Variants in TANC1 observed in about 807,000 individuals in gnomAD.
TANC1 encodes the protein tetratricopeptide repeat, ankyrin repeat and coiled-coil containing 1.
A neutral mutation model predicts 149.7 loss-of-function variants in TANC1; 77 were observed. That is an observed-to-expected ratio of 0.51 (90% CI 0.43 to 0.62). The LOEUF (loss-of-function observed/expected upper bound fraction) is 0.62. Ranked by LOEUF, TANC1 falls within the 20% of genes least tolerant of loss-of-function variation. The pLI, the probability that TANC1 is intolerant of heterozygous loss-of-function variation, is 0.00. For synonymous variants in TANC1, 854 were observed against 925.0 expected (o/e 0.92, Z 1.39); for missense variants, 1,985 against 2,321.8 (o/e 0.85, Z 2.98).
chr2:159,005,733 A>G (rs2149348734), intron 2 of TANC1, among the ~76,000 whole-genome samples: 1 of 152,126 alleles, frequency 6.6e-6, no homozygotes, highest in African/African-American at 2.4e-5. Context: ...AGCACTTAGA[A>G]CCATGTAAGT....
chr2:159,171,196 T>A (rs1450127150), intron 10 of TANC1, among the ~76,000 whole-genome samples: 1 of 152,218 alleles, frequency 6.6e-6, no homozygotes, highest in Non-Finnish European at 1.5e-5. Flanking sequence ...ACAGCCTTCG[T>A]CTTCTGTATT....
intron 3 of TANC1, among the ~76,000 whole-genome samples, chr2:159,085,529 C>A (rs1057416635): frequency 6.6e-6 from 1 of 152,058 alleles, no homozygotes; most frequent in African/African-American, 2.4e-5. Flanking sequence ...TAAAGGAATA[C>A]CTGAGGCTGG....
intron 2 of TANC1, among the ~76,000 whole-genome samples, chr2:159,012,266 C>T (rs543393182): frequency 3.3e-5 from 5 of 152,206 alleles, no homozygotes; most frequent in African/African-American, 4.8e-5. Flanking sequence ...GTTGCTGAGG[C>T]CAGTGCTGCT....
At chr2:159,187,552 G>A (rs1414561758) in intron 16 of TANC1, among the ~76,000 whole-genome samples, 1 of 152,190 alleles carries the variant, frequency 6.6e-6, no homozygotes, top group East Asian at 1.9e-4. Context: ...TTCATGTCAT[G>A]ATGTTCCACT....
chr2:158,988,757 G>A (rs2035299875), intron 1 of TANC1, among the ~76,000 whole-genome samples: 1 of 152,188 alleles, frequency 6.6e-6, no homozygotes, highest in Non-Finnish European at 1.5e-5. Context: ...AGAGAGAGCA[G>A]GCATTCTTTC....
intron 4 of TANC1, among the ~76,000 whole-genome samples, chr2:159,132,691 G>A (rs1341185973): frequency 1.4e-5 from 2 of 144,768 alleles, no homozygotes; most frequent in African/African-American, 2.6e-5. Context: ...TAGAGATGGG[G>A]TTTCACTATG....
intron 2 of TANC1, among the ~76,000 whole-genome samples, chr2:159,063,223 T>G (rs2042393829): frequency 6.6e-6 from 1 of 152,138 alleles, no homozygotes; most frequent in Non-Finnish European, 1.5e-5. Flanking sequence ...AGCACCTAGC[T>G]CCAACAGCCC....
chr2:159,228,916 T>G lies in TANC1; in HGVS notation c.4151+20T>G. ...TAGCAGGTACCGTCTGTGGTTATCT[T>G]TGTGTCTAGAGCTTTTTTTCTTGTG... On this transcript the variant is annotated intron_variant, in intron 26 of 26. Coordinates refer to ENST00000263635, the MANE Select transcript of TANC1 (RefSeq NM_033394.3). 6.3e-7 allele frequency: 1 copy of G among 1,596,048 alleles called. No individual in the cohort carries two copies. Among genetic ancestry groups the G allele is most frequent in the African/African-American group, 1.3e-5 (1 of 74,642 alleles).
At chr2:158,983,477 A>AAAAAAAAAAAAAAAAAAAAAAAAAC (rs1559098764) in intron 1 of TANC1, among the ~76,000 whole-genome samples, 1 of 151,090 alleles carries the variant, frequency 6.6e-6, no homozygotes, top group African/African-American at 2.4e-5. Flanking sequence ...CCAAAAAAAA[A>AAAAAAAAAAAAAAAAAAAAAAAAAC]AAAAAAAAAA....
chr2:159,189,586 C>T (rs1278904306), intron 16 of TANC1, among the ~76,000 whole-genome samples: 2 of 152,068 alleles, frequency 1.3e-5, no homozygotes, highest in East Asian at 1.9e-4. Context: ...GATTTTTAAT[C>T]TTTACAACCA....
At chr2:158,977,902 C>T (rs545764670) in intron 1 of TANC1, among the ~76,000 whole-genome samples, 6 of 152,252 alleles carry the variant, frequency 3.9e-5, no homozygotes, top group South Asian at 2.1e-4. Context: ...CCTCTTCCCT[C>T]ACCCTACCAC....
chr2:159,208,373 C>T (rs749305207), intron 19 of TANC1, among the ~76,000 whole-genome samples: 3 of 152,192 alleles, frequency 2.0e-5, no homozygotes, highest in Non-Finnish European at 2.9e-5. Flanking sequence ...TGATCACACA[C>T]ATGAAGTCCT....
At chr2:159,228,764 C>T in intron 25 of TANC1, 32 bp from the exon 26 acceptor site, 3 of 1,534,266 alleles carry the variant, frequency 2.0e-6, no homozygotes, top group Non-Finnish European at 2.7e-6. Context: ...GTCCAGGCTG[C>T]TTCTGACTCC....
intron 3 of TANC1, among the ~76,000 whole-genome samples, chr2:159,096,033 A>G (rs1373619409): frequency 6.6e-6 from 1 of 152,106 alleles, no homozygotes; most frequent in Non-Finnish European, 1.5e-5. Context: ...TTTTGGAGCC[A>G]GGAAGGCGTG....
chr2:159,177,399 T>C (rs963662182), intron 13 of TANC1, among the ~76,000 whole-genome samples: 6 of 152,210 alleles, frequency 3.9e-5, no homozygotes, highest in Admixed American at 3.3e-4. Context: ...GTGAAGACTT[T>C]TAGACATTAG....
intron 4 of TANC1, among the ~76,000 whole-genome samples, chr2:159,101,521 T>A (rs939064752): frequency 8.5e-5 from 13 of 152,148 alleles, no homozygotes; most frequent in African/African-American, 3.1e-4. Flanking sequence ...TTATTTGGTT[T>A]TTTTTTTCAT....
chr2:159,041,074 C>T (rs144717589), intron 2 of TANC1, among the ~76,000 whole-genome samples: 7,383 of 152,220 alleles, frequency 0.049, 569 homozygotes, highest in African/African-American at 0.16. Flanking sequence ...CCCTGTTTGC[C>T]TGGGTATCAC....
intron 4 of TANC1, among the ~76,000 whole-genome samples, chr2:159,135,905 G>A (rs1302590403): frequency 6.6e-6 from 1 of 152,094 alleles, no homozygotes; most frequent in Non-Finnish European, 1.5e-5. Context: ...CAAGAGAGCA[G>A]CTTTTGTTTT....
Position 159,230,557 on chromosome 2 carries a change from A to G in TANC1, c.5131A>G (p.Ser1711Gly). 1 of 1,614,200 alleles carries G rather than the reference A, an allele frequency of 6.2e-7. No individual in the cohort carries two copies. The highest frequency in any genetic ancestry group is 8.5e-7 in the Non-Finnish European group (1 of 1,180,048). Residue 1711 changes from serine (S) to glycine (G), a missense_variant, in exon 27 of 27, where the codon AGC (serine) becomes GGC (glycine). Coordinates refer to ENST00000263635, the MANE Select transcript of TANC1 (RefSeq NM_033394.3). This position sits in a 1 kb window ranked among gnomAD's most constrained non-coding sequence, Gnocchi z 4.4. ...IKDKVVTHVQ[S>G]GTAEHRPRNT... ...AGACAAGGTTGTAACCCACGTTCAGAGCGGTACAGCTGAGCACAGACCCCG... is the reference window on the plus strand; with the variant it reads ...AGACAAGGTTGTAACCCACGTTCAGGGCGGTACAGCTGAGCACAGACCCCG...
Sources: gnomAD v4.1 joint callset for allele counts (sites outside exome capture counted in the v4.1 genomes callset) on GRCh38, gnomAD v4.1.1 for gene constraint, Gnocchi (gnomAD v3.1) non-coding constraint, MANE v1.5 for transcripts, NCBI Gene and HGNC (gene_info 2026-07-23, HGNC 2026-07-21) for gene names.